GPAT3: variants seen among roughly 807,000 people sequenced by gnomAD.
The protein encoded by GPAT3 is glycerol-3-phosphate acyltransferase 3, also known as 1-AGP acyltransferase 9.
GPAT3 carries 53 observed loss-of-function variants against 58.8 expected under a neutral mutation model. The ratio of observed to expected loss-of-function variants is 0.90; its 90% CI spans 0.72 to 1.13. The LOEUF (loss-of-function observed/expected upper bound fraction) is 1.13, where lower values mean the gene tolerates loss of function less well. Ranked by LOEUF, GPAT3 falls within the 50% of genes most tolerant of loss-of-function variation. GPAT3 has a pLI of 0.00. For synonymous variants in GPAT3, 197 were observed against 187.4 expected (o/e 1.05, Z -0.42); for missense variants, 511 against 527.6 (o/e 0.97, Z 0.31).
At chr4:83,583,700 A>T (rs1726256058) in intron 3 of GPAT3, among the ~76,000 whole-genome samples, 1 of 135,180 alleles carries the variant, frequency 7.4e-6, no homozygotes, top group Admixed American at 7.5e-5. Context: ...AAAAAAAATG[A>T]AGCTGGGCCG....
intron 1 of GPAT3, among the ~76,000 whole-genome samples, chr4:83,543,954 C>T (rs538084723): frequency 2.0e-5 from 3 of 152,212 alleles, no homozygotes; most frequent in Non-Finnish European, 2.9e-5. Flanking sequence ...ATGATTTCAT[C>T]GAGTCCTTTC....
At position 83,581,585 on chromosome 4, in the gene GPAT3, C is replaced by A; in HGVS notation, c.232C>A (p.Pro78Thr). Residue 78 changes from proline (P) to threonine (T), a missense_variant, in exon 3 of 12, where the codon CCC (proline) becomes ACC (threonine). Pro to Thr is a conservative substitution (Grantham distance 38). Transcript: ENST00000264409. Reference sequence around the variant, plus strand: ...AGGTATTATCCAAAGAGATGAGTCACCCATGGAAAAAGGGCTCTCTGGTCT... The same window carrying A: ...AGGTATTATCCAAAGAGATGAGTCAACCATGGAAAAAGGGCTCTCTGGTCT... ...SVGIIQRDES[P>T]MEKGLSGLRG... The A allele has an allele frequency of 1.2e-6, 2 of 1,613,964 alleles. No homozygotes were observed. The highest frequency in any genetic ancestry group is 1.1e-5 in the South Asian group (1 of 91,068).
At chr4:83,595,058 A>C in intron 7 of GPAT3, 98 bp downstream of exon 7, 1 of 994,056 alleles carries the variant, frequency 1.0e-6, no homozygotes, top group Non-Finnish European at 1.5e-6. Flanking sequence ...TGAGTCTCAA[A>C]ACTGAAACAG....
At chr4:83,585,873 C>T (rs1726357148) in intron 3 of GPAT3, among the ~76,000 whole-genome samples, 1 of 152,196 alleles carries the variant, frequency 6.6e-6, no homozygotes, top group South Asian at 2.1e-4. Flanking sequence ...AGCCGTGAGA[C>T]ACTGCTTATT....
At chr4:83,549,027 G>C (rs887131248) in intron 2 of GPAT3, among the ~76,000 whole-genome samples, 1 of 151,766 alleles carries the variant, frequency 6.6e-6, no homozygotes, top group African/African-American at 2.4e-5. Context: ...GAAAATATGG[G>C]ATCATATTTT....
intron 2 of GPAT3, among the ~76,000 whole-genome samples, chr4:83,548,161 G>A (rs1724616286): frequency 1.3e-5 from 2 of 152,156 alleles, no homozygotes; most frequent in Non-Finnish European, 2.9e-5. Context: ...AGCATAGAAG[G>A]CTAGGACAAG....
rs1725602268 is a variant in GPAT3 at position 83,571,506 on chromosome 4, TAAGTATTTTTCTCAATGTAAGTATTTTTC to T, written c.209-10053_209-10025del. On this transcript the variant is annotated intron_variant, in intron 2 of 11. Transcript: ENST00000264409. ...CATTATAGTTTTAAAAATAACATCT[TAAGTATTTTTCTCAATGTAAGTATTTTTC>T]AACAAAGTATATATACTTTGTTGAA... 2.0e-5 allele frequency among the ~76,000 whole-genome samples: 3 copies of T among 152,014 alleles called. No homozygotes were observed. The South Asian group carries it at 6.2e-4, about 32-fold the overall frequency.
At chr4:83,581,090 C>T (rs544839502) in intron 2 of GPAT3, among the ~76,000 whole-genome samples, 12 of 96,896 alleles carry the variant, frequency 1.2e-4, no homozygotes, top group Admixed American at 2.7e-4. Flanking sequence ...AGCAAGACTC[C>T]GTCTCAAAAA....
intron 2 of GPAT3, among the ~76,000 whole-genome samples, chr4:83,566,853 T>G (rs1189943838): frequency 6.6e-6 from 1 of 151,904 alleles, no homozygotes; most frequent in African/African-American, 2.4e-5. Flanking sequence ...TGTTCTAAAA[T>G]TTTCCTCAGA....
At chr4:83,578,947 CT>C (rs776919610) in intron 2 of GPAT3, among the ~76,000 whole-genome samples, 8,386 of 25,092 alleles carry the variant, frequency 0.33, 1,093 homozygotes, top group African/African-American at 0.38. Context: ...CTTTTCTTTT[CT>C]TTTCTTTCTT....
At position 83,604,758 on chromosome 4, in the gene GPAT3, T is replaced by G; in HGVS notation, c.1296T>G (p.Ser432=). Residue 432 remains serine (S), a synonymous_variant, in exon 12 of 12, where the codon TCT becomes TCG. Transcript: ENST00000264409. ...NYSKMIVGNG[S]LS ...GCAAGATGATTGTGGGCAATGGATC[T>G]CTCAGCTAAGAGGACGGATGACAGC... The G allele has an allele frequency of 6.2e-7, 1 of 1,613,776 alleles. No individual in the cohort carries two copies. Among genetic ancestry groups the G allele is most frequent in the Non-Finnish European group, 8.5e-7 (1 of 1,179,796 alleles).
At chr4:83,540,735 G>A (rs1348287042) in intron 1 of GPAT3, among the ~76,000 whole-genome samples, 1 of 151,964 alleles carries the variant, frequency 6.6e-6, no homozygotes, top group Non-Finnish European at 1.5e-5. Flanking sequence ...ACCCAGGCTG[G>A]ATGGAGTGCA....
chr4:83,544,456 A>T, intron 1 of GPAT3, 80 bp from the exon 2 acceptor site: 1 of 1,401,646 alleles, frequency 7.1e-7, no homozygotes, highest in Non-Finnish European at 1.0e-6. Flanking sequence ...GTGTAATTTC[A>T]CTTCTGTATA....
In GPAT3 at chr4:83,581,625, T is replaced by C. The variant is rs778285085; in HGVS notation, c.272T>C (p.Phe91Ser). 4 of 1,614,052 alleles carry C rather than the reference T, an allele frequency of 2.5e-6. No homozygotes were observed. Among genetic ancestry groups the C allele is most frequent in the Admixed American group, 1.7e-5 (1 of 59,994 alleles). The change falls in exon 3 of 12, where the codon TTT (phenylalanine) becomes TCT (serine). Residue 91 changes from phenylalanine (F) to serine (S), a missense_variant. Phe to Ser is a radical substitution (Grantham distance 155, BLOSUM62 -2). Transcript: ENST00000264409. ...CTCTCTGGTCTACGAGGAAGGGACTTTGAGCTGTCTGACGTGTTTTATTTC... is the reference window on the plus strand; with the variant it reads ...CTCTCTGGTCTACGAGGAAGGGACTCTGAGCTGTCTGACGTGTTTTATTTC... ...KGLSGLRGRD[F>S]ELSDVFYFSK...
At chr4:83,595,515 A>T (rs974138307) in intron 7 of GPAT3, among the ~76,000 whole-genome samples, 1 of 152,126 alleles carries the variant, frequency 6.6e-6, no homozygotes, top group Non-Finnish European at 1.5e-5. Context: ...TGAACCCAGG[A>T]GTTCAAGACC....
At chr4:83,554,869 T>C (rs1724893405) in intron 2 of GPAT3, among the ~76,000 whole-genome samples, 2 of 150,590 alleles carry the variant, frequency 1.3e-5, no homozygotes, top group Admixed American at 1.3e-4. Flanking sequence ...AGTGGCGTGA[T>C]CTCGGATCAC....
intron 2 of GPAT3, among the ~76,000 whole-genome samples, chr4:83,548,591 A>G (rs1158093872): frequency 2.6e-5 from 4 of 151,470 alleles, no homozygotes; most frequent in African/African-American, 9.7e-5. Context: ...AACACCACAA[A>G]TACATAAAGG....
At chr4:83,585,186 G>A (rs1726332465) in intron 3 of GPAT3, among the ~76,000 whole-genome samples, 1 of 151,982 alleles carries the variant, frequency 6.6e-6, no homozygotes, top group Non-Finnish European at 1.5e-5. Flanking sequence ...GCTATGTCAA[G>A]TCTTTAACAA....
chr4:83,591,414 A>C (rs1489073881), intron 6 of GPAT3, among the ~76,000 whole-genome samples: 3 of 152,204 alleles, frequency 2.0e-5, no homozygotes, highest in Non-Finnish European at 4.4e-5. Flanking sequence ...TCTCTAAATA[A>C]TGGAGCTCTT....
Sources: gnomAD v4.1 joint callset for allele counts (sites outside exome capture counted in the v4.1 genomes callset) on GRCh38, gnomAD v4.1.1 for gene constraint, MANE v1.5 for transcripts, NCBI Gene and HGNC (gene_info 2026-07-23, HGNC 2026-07-21) for gene names.